Variants in IMPA2 observed in about 807,000 individuals in gnomAD.
IMPA2 encodes IMP 2.
A neutral mutation model predicts 35.1 loss-of-function variants in IMPA2; 32 were observed. The observed-to-expected ratio is 0.91, with a 90% CI of 0.69 to 1.23. IMPA2 has a LOEUF of 1.23. IMPA2 is among the 50% of genes most tolerant of loss of function. The probability of loss-of-function intolerance (pLI) is 0.00; values close to 1 mark genes in which losing one functional copy is unlikely to be tolerated. For missense variants in IMPA2, 334 were observed against 387.6 expected, an observed-to-expected ratio of 0.86 and a Z score of 1.16; for synonymous variants, 135 against 160.6, an observed-to-expected ratio of 0.84 and a Z score of 1.20.
intron 2 of IMPA2, among the ~76,000 whole-genome samples, chr18:12,007,670 T>TCCTTTCTTTC (rs1555645773): frequency 1.6e-4 from 16 of 98,006 alleles, no homozygotes; most frequent in African/African-American, 4.3e-4. Flanking sequence ...TTTCTTTCTT[T>TCCTTTCTTTC]CTTTCTTTCC....
At chr18:12,009,150 A>C (rs1008353707) in intron 2 of IMPA2, among the ~76,000 whole-genome samples, 1 of 152,208 alleles carries the variant, frequency 6.6e-6, no homozygotes, top group Non-Finnish European at 1.5e-5. Flanking sequence ...GGTGGTATGC[A>C]TCTGTAGTCC....
In IMPA2 at chr18:12,014,178, C is replaced by G. The variant is rs979265351; in HGVS notation, c.382-87C>G. 4 of 901,552 alleles carry G rather than the reference C, an allele frequency of 4.4e-6. No individual in the cohort carries two copies. The African/African-American group carries it at 6.5e-5, about 15-fold the overall frequency. The allele number at this position is 901,552 out of a possible 1,614,324, so 55.8% of individuals were successfully genotyped here. A position where few individuals can be genotyped will look rare whatever the true frequency, so the allele number is the denominator to read the frequency against. The stretch of plus-strand genomic sequence containing the variant: ...TAATGTGTTATCCTAACGCCTAGCG[C>G]AGCCTTCATCTTTGAATAACAATGT... On this transcript the variant is annotated intron_variant, in intron 4 of 7. Transcript: ENST00000269159.
chr18:12,030,678 C>T lies in IMPA2; in HGVS notation c.*220C>T, dbSNP rs531165616. The T allele has an allele frequency of 3.6e-6, 2 of 553,404 alleles. No individual in the cohort carries two copies. The highest frequency in any genetic ancestry group is 6.5e-5 in the Admixed American group (2 of 30,632). The allele number at this position is 553,404 out of a possible 1,614,324, so 34.3% of individuals were successfully genotyped here. On this transcript the variant is annotated 3_prime_UTR_variant, in exon 8 of 8. Transcript: ENST00000269159. ...TGTTTCTCTCTTTAATCTCACGTAG[C>T]CTTTTTCAGGTTAGTACGTGTTCTT...
At chr18:11,985,528 C>T (rs1004766465) in intron 1 of IMPA2, among the ~76,000 whole-genome samples, 1 of 152,152 alleles carries the variant, frequency 6.6e-6, no homozygotes, top group African/African-American at 2.4e-5. Context: ...TTTAGGATGT[C>T]ATCAAATTGA....
At chr18:11,989,784 G>A (rs1362321077) in intron 1 of IMPA2, among the ~76,000 whole-genome samples, 2 of 152,102 alleles carry the variant, frequency 1.3e-5, no homozygotes, top group Non-Finnish European at 2.9e-5. Flanking sequence ...TGGACTCTGT[G>A]GCCCTGAGCT....
chr18:12,022,377 CA>C (rs527717296), intron 5 of IMPA2, among the ~76,000 whole-genome samples: 1 of 150,964 alleles, frequency 6.6e-6, no homozygotes, highest in African/African-American at 2.4e-5. Flanking sequence ...ATTAAAAATA[CA>C]AAAAAAATTA....
intron 5 of IMPA2, among the ~76,000 whole-genome samples, chr18:12,015,491 G>A (rs1168439512): frequency 6.6e-6 from 1 of 151,400 alleles, no homozygotes; most frequent in African/African-American, 2.4e-5. Context: ...AAAGTGGCGG[G>A]CCAGGATGGA....
At chr18:11,992,515 C>T (rs142461064) in intron 1 of IMPA2, among the ~76,000 whole-genome samples, 22 of 152,268 alleles carry the variant, frequency 1.4e-4, no homozygotes, top group Admixed American at 2.6e-4. Flanking sequence ...ATATGTTAGC[C>T]TAGGATGTCT....
intron 3 of IMPA2, among the ~76,000 whole-genome samples, chr18:12,011,218 A>G (rs950878150): frequency 1.3e-5 from 2 of 152,172 alleles, no homozygotes; most frequent in Non-Finnish European, 2.9e-5. Flanking sequence ...GGTGACTGGG[A>G]AAAGAGCAGC....
chr18:11,984,967 CA>C (rs34748642), intron 1 of IMPA2, among the ~76,000 whole-genome samples: 21,481 of 87,660 alleles, frequency 0.25, 2,639 homozygotes, highest in African/African-American at 0.47. Flanking sequence ...GACTCCGTCT[CA>C]AAAAAAAAAA....
At chr18:11,999,717 G>A (rs968580520) in intron 2 of IMPA2, among the ~76,000 whole-genome samples, 11 of 152,266 alleles carry the variant, frequency 7.2e-5, no homozygotes, top group Non-Finnish European at 8.8e-5. Context: ...TGCCACAGCC[G>A]GGCCCCAGAG....
intron 6 of IMPA2, 177 bp downstream of exon 6, chr18:12,028,328 A>G (rs1463686239): frequency 2.0e-5 from 12 of 591,428 alleles, no homozygotes; most frequent in Non-Finnish European, 2.7e-5. Context: ...AGATACTCCT[A>G]TAGCCAGGCC....
chr18:12,023,080 CCA>C, intron 5 of IMPA2, among the ~76,000 whole-genome samples: 1 of 151,424 alleles, frequency 6.6e-6, no homozygotes, highest in South Asian at 2.1e-4. Flanking sequence ...CAGGCATGAG[CCA>C]CTGCACCCAG....
rs1420324002 is a variant in IMPA2, at chr18:12,028,623, G to T, written c.600-219G>T. Reference sequence around the variant, plus strand: ...TCTCAGGTGCTCAGTAGCTAGGTCAGCTGGGAGCTGTCATGGCACAAGGCA... The same window carrying T: ...TCTCAGGTGCTCAGTAGCTAGGTCATCTGGGAGCTGTCATGGCACAAGGCA... On this transcript the variant is annotated intron_variant, in intron 6 of 7. Coordinates refer to ENST00000269159, the MANE Select transcript of IMPA2 (RefSeq NM_014214.3). The T allele has an allele frequency of 4.9e-5, 28 of 572,302 alleles. No homozygotes were observed. In the South Asian group the frequency reaches 6.2e-4, roughly 13 times the overall value. 35.5% of individuals were successfully genotyped at this position (572,302 alleles called of 1,614,324 possible).
chr18:12,028,268 G>A, intron 6 of IMPA2, 117 bp downstream of exon 6: 1 of 686,530 alleles, frequency 1.5e-6, no homozygotes, highest in Non-Finnish European at 2.6e-6. Context: ...AGTGGGAGGG[G>A]CACATGAACA....
At chr18:12,018,003 G>T (rs1444574709) in intron 5 of IMPA2, 5 of 163,928 alleles carry the variant, frequency 3.1e-5, no homozygotes, top group South Asian at 2.5e-4. Context: ...GTGCAATGGG[G>T]CGATCTCGGC....
At chr18:12,008,350 T>C in intron 2 of IMPA2, 1 of 519,002 alleles carries the variant, frequency 1.9e-6, no homozygotes, top group South Asian at 1.4e-5. Context: ...TTTTCTCTAG[T>C]ACACATGTGA....
At chr18:12,014,463 G>A in intron 5 of IMPA2, 90 bp downstream of exon 5, 1 of 727,404 alleles carries the variant, frequency 1.4e-6, no homozygotes, top group Admixed American at 3.1e-5. Context: ...GACGGTGGTG[G>A]AGGTCCCTTG....
intron 1 of IMPA2, among the ~76,000 whole-genome samples, chr18:11,986,040 G>A (rs1286732117): frequency 6.6e-6 from 1 of 152,202 alleles, no homozygotes; most frequent in Non-Finnish European, 1.5e-5. Flanking sequence ...GGGCCTTGAT[G>A]CTTAAGCGTC....
Sources: gnomAD v4.1 joint callset for allele counts (sites outside exome capture counted in the v4.1 genomes callset) on GRCh38, gnomAD v4.1.1 for gene constraint, MANE v1.5 for transcripts, NCBI Gene and HGNC (gene_info 2026-07-23, HGNC 2026-07-21) for gene names.